The following PAK3 variants were observed in gnomAD, a reference collection of about 807,000 sequenced individuals.
PAK3 encodes p21 (RAC1) activated kinase 3.
Under a neutral mutation model 41.0 loss-of-function variants are expected in PAK3, and 4 were observed. The observed-to-expected ratio is 0.10, with a 90% CI of 0.05 to 0.22. The LOEUF (loss-of-function observed/expected upper bound fraction) is 0.22, where lower values mean the gene tolerates loss of function less well. Among genes scored for constraint, PAK3 ranks in the 10% least tolerant of loss-of-function variants. The pLI is 1.00. For missense variants in PAK3, 205 were observed against 409.9 expected (o/e 0.50, Z 4.32); for synonymous variants, 146 against 139.6 (o/e 1.05, Z -0.32).
At chrX:110,974,720 C>T (rs964437180) in intron 1 of PAK3, among the ~76,000 whole-genome samples, 4 of 111,463 alleles carry the variant, frequency 3.6e-5, no homozygotes, top group East Asian at 2.8e-4. Context: ...AATAAAATAC[C>T]GGCAAACCAA....
chrX:111,084,849 C>T (rs1254260194), intron 1 of PAK3, among the ~76,000 whole-genome samples: 1 of 111,836 alleles, frequency 8.9e-6, no homozygotes, highest in African/African-American at 3.3e-5. Flanking sequence ...ATTTTAGTGC[C>T]TTCCTTTTTT....
At chrX:111,095,790 G>T (rs1391045078), upstream of PAK3, among the ~76,000 whole-genome samples, 1 of 110,803 alleles carries the variant, frequency 9.0e-6, no homozygotes, top group Non-Finnish European at 1.9e-5. Context: ...TTTTTCCCCC[G>T]AATAAAGTGT....
intron 1 of PAK3, among the ~76,000 whole-genome samples, chrX:110,952,883 T>C (rs931364002): frequency 1.8e-5 from 2 of 111,922 alleles, no homozygotes; most frequent in East Asian, 5.6e-4. Context: ...AAAAAAGTGG[T>C]TTTAGTTTTT....
rs2091230467 is a variant in PAK3 at position 110,972,452 on chromosome X, A to G, written c.-28+27824A>G. Among the ~76,000 whole-genome samples, 6 of 112,106 alleles carry G rather than the reference A, an allele frequency of 5.4e-5. No homozygotes were observed. The Admixed American group carries it at 5.7e-4, about 11-fold the overall frequency. On this transcript the variant is annotated intron_variant, in intron 1 of 14. Transcript: ENST00000425146. ...GAGTGGATCTTCAGCGAACTCCAAC[A>G]GATCTGCAACTGAGGGATCTGACTG...
chrX:110,963,776 A>G (rs756282202), intron 1 of PAK3, among the ~76,000 whole-genome samples: 5 of 112,608 alleles, frequency 4.4e-5, no homozygotes, highest in Admixed American at 9.4e-5. Context: ...GAACCAAGTG[A>G]TCTCTAGGAT....
intron 8 of PAK3, among the ~76,000 whole-genome samples, chrX:111,160,619 C>G (rs1319688075): frequency 1.0e-5 from 1 of 97,608 alleles, no homozygotes; most frequent in Admixed American, 1.1e-4. Context: ...CTCCCCGCTC[C>G]CCCCACCCCA....
intron 10 of PAK3, among the ~76,000 whole-genome samples, chrX:111,171,556 T>A (rs1403407325): frequency 9.0e-6 from 1 of 111,619 alleles, no homozygotes; most frequent in Admixed American, 9.5e-5. Flanking sequence ...TGGACTGGAT[T>A]TTTTTGAAAT....
At chrX:110,997,874 C>T (rs1422113819) in intron 1 of PAK3, among the ~76,000 whole-genome samples, 1 of 111,244 alleles carries the variant, frequency 9.0e-6, no homozygotes, top group East Asian at 2.9e-4. Context: ...TGACCATTCA[C>T]TCCTTCCACT....
At chrX:111,210,884 G>T (rs2031816399) in intron 16 of PAK3, among the ~76,000 whole-genome samples, 1 of 111,890 alleles carries the variant, frequency 8.9e-6, no homozygotes, top group Admixed American at 9.5e-5. Context: ...ATCCTGGTTT[G>T]CTTGAGATTG....
At chrX:111,169,628 G>C (rs1440880957) in intron 10 of PAK3, among the ~76,000 whole-genome samples, 1 of 111,405 alleles carries the variant, frequency 9.0e-6, no homozygotes, top group Non-Finnish European at 1.9e-5. Context: ...ATAGGAACTT[G>C]CCACAGAGAA....
At chrX:110,961,530 T>C (rs2090977095) in intron 1 of PAK3, among the ~76,000 whole-genome samples, 1 of 111,698 alleles carries the variant, frequency 9.0e-6, no homozygotes, top group Non-Finnish European at 1.9e-5. Flanking sequence ...TATCCTGTTG[T>C]CTCCTCTGGC....
At chrX:111,191,896 T>C (rs1321630337) in intron 11 of PAK3, among the ~76,000 whole-genome samples, 1 of 111,425 alleles carries the variant, frequency 9.0e-6, no homozygotes, top group Non-Finnish European at 1.9e-5. Context: ...GCATATGCTG[T>C]ATAAAAAGAT....
intron 1 of PAK3, among the ~76,000 whole-genome samples, chrX:111,014,451 G>C (rs898193526): frequency 9.0e-6 from 1 of 111,569 alleles, no homozygotes; most frequent in Non-Finnish European, 1.9e-5. Flanking sequence ...TGAGAAAGTA[G>C]GGAAGCTCTG....
intron 1 of PAK3, among the ~76,000 whole-genome samples, chrX:111,065,664 T>A (rs1329087897): frequency 8.9e-6 from 1 of 111,891 alleles, no homozygotes; most frequent in African/African-American, 3.2e-5. Context: ...TCTGGTGGAA[T>A]GTGGCTGAGA....
At chrX:110,969,919 A>G (rs915861563) in intron 1 of PAK3, among the ~76,000 whole-genome samples, 2 of 112,188 alleles carry the variant, frequency 1.8e-5, no homozygotes, top group Non-Finnish European at 3.8e-5. Context: ...CAATTTTGGA[A>G]GAATTGACAC....
At chrX:111,201,148 C>T (rs2094678431) in intron 16 of PAK3, among the ~76,000 whole-genome samples, 1 of 112,405 alleles carries the variant, frequency 8.9e-6, no homozygotes, top group Admixed American at 9.4e-5. Flanking sequence ...TATGTGTGAT[C>T]AACCTTCAAT....
chrX:111,209,220 T>C (rs754319852), intron 16 of PAK3, among the ~76,000 whole-genome samples: 2 of 111,284 alleles, frequency 1.8e-5, no homozygotes, highest in Non-Finnish European at 3.8e-5. Flanking sequence ...TATTGTGCAG[T>C]GGTCAAGAGC....
At chrX:111,125,219 T>C (rs2093631479) in intron 5 of PAK3, among the ~76,000 whole-genome samples, 2 of 111,930 alleles carry the variant, frequency 1.8e-5, no homozygotes, top group South Asian at 7.5e-4. Flanking sequence ...TTAGATAGTT[T>C]AACAGAGCCT....
At chrX:111,093,761 T>C (rs1175072597), upstream of PAK3, among the ~76,000 whole-genome samples, 1 of 111,819 alleles carries the variant, frequency 8.9e-6, no homozygotes, top group Admixed American at 9.5e-5. Flanking sequence ...AATACACCCA[T>C]GAAATGTTTA....
Sources: gnomAD v4.1 joint callset for allele counts (sites outside exome capture counted in the v4.1 genomes callset) on GRCh38, gnomAD v4.1.1 for gene constraint, MANE v1.5 for transcripts, NCBI Gene and HGNC (gene_info 2026-07-23, HGNC 2026-07-21) for gene names.